LTBP1: variants seen among roughly 807,000 people sequenced by gnomAD.
LTBP1 encodes the protein latent transforming growth factor beta binding protein 1.
LTBP1 carries 129 observed loss-of-function variants against 207.6 expected under a neutral mutation model. That is an observed-to-expected ratio of 0.62 (90% CI 0.54 to 0.72). LTBP1 has a LOEUF of 0.72. LTBP1 is among the 30% of genes least tolerant of loss of function. LTBP1 has a pLI of 0.00. For synonymous variants in LTBP1, 963 were observed against 833.7 expected (o/e 1.16, Z -2.67); for missense variants, 2,281 against 2,217.2 (o/e 1.03, Z -0.58).
At chr2:33,232,943 A>G (rs1343424611) in intron 9 of LTBP1, among the ~76,000 whole-genome samples, 1 of 152,054 alleles carries the variant, frequency 6.6e-6, no homozygotes, top group African/African-American at 2.4e-5. Flanking sequence ...CTGTGTTTTG[A>G]CACCTCTTCC....
At chr2:33,207,381 C>G (rs1035835565) in intron 7 of LTBP1, among the ~76,000 whole-genome samples, 1 of 152,072 alleles carries the variant, frequency 6.6e-6, no homozygotes, top group Non-Finnish European at 1.5e-5. Flanking sequence ...GTTAAATGCT[C>G]TAGTCACAGT....
intron 32 of LTBP1, 77 bp from the exon 33 acceptor site, chr2:33,397,056 C>G: frequency 7.4e-7 from 1 of 1,356,732 alleles, no homozygotes; most frequent in Non-Finnish European, 1.0e-6. Flanking sequence ...GAAAATGAAC[C>G]ATCATCTAAA....
In LTBP1 at chr2:33,024,126, C is replaced by T. The variant is rs546147044; in HGVS notation, c.863+2920C>T. Among the ~76,000 whole-genome samples the T allele has an allele frequency of 2.0e-5, 3 of 152,262 alleles. No individual in the cohort carries two copies. In the East Asian group the frequency reaches 5.8e-4, roughly 29 times the overall value. Reference sequence around the variant, plus strand: ...ATATTTTATGTATGAGGGCACAGTTCAGGGAGCTAAGGATAGATAACACTA... The same window carrying T: ...ATATTTTATGTATGAGGGCACAGTTTAGGGAGCTAAGGATAGATAACACTA... On this transcript the variant is annotated intron_variant, in intron 3 of 33. Transcript: ENST00000404816.
rs1044670379 is a variant in LTBP1 at position 33,264,771 on chromosome 2, T to A, written c.2617+1379T>A. ...CTCTCTCACATTGCTAAAGGGAGTA[T>A]GTGTTGGGGTTCTCCAGAGAGACAG... On this transcript the variant is annotated intron_variant, in intron 15 of 33. Transcript: ENST00000404816. Among the ~76,000 whole-genome samples, 3 of 152,300 alleles carry A rather than the reference T, an allele frequency of 2.0e-5. No homozygotes were observed. The South Asian group carries it at 6.2e-4, about 32-fold the overall frequency.
At chr2:33,223,147 G>C (rs928317182) in intron 9 of LTBP1, among the ~76,000 whole-genome samples, 4 of 152,202 alleles carry the variant, frequency 2.6e-5, no homozygotes, top group Non-Finnish European at 4.4e-5. Flanking sequence ...AATGGCTCAT[G>C]TCAAAGGAAT....
At chr2:33,364,631 C>G (rs2094962790) in intron 30 of LTBP1, among the ~76,000 whole-genome samples, 1 of 152,118 alleles carries the variant, frequency 6.6e-6, no homozygotes, top group East Asian at 1.9e-4. Context: ...TTCATCATCC[C>G]TAACCTGCAG....
At chr2:33,083,850 C>G (rs537482910) in intron 3 of LTBP1, among the ~76,000 whole-genome samples, 1 of 152,206 alleles carries the variant, frequency 6.6e-6, no homozygotes, top group African/African-American at 2.4e-5. Flanking sequence ...AGGGAACATT[C>G]TTTCATTTCA....
At chr2:33,264,908 T>C (rs1812485) in intron 15 of LTBP1, among the ~76,000 whole-genome samples, 17,260 of 152,202 alleles carry the variant, frequency 0.11, 1,600 homozygotes, top group African/African-American at 0.26. Flanking sequence ...GTTATAGTTC[T>C]AGTGCAAACC....
intron 2 of LTBP1, among the ~76,000 whole-genome samples, chr2:32,957,053 T>C (rs1410094411): frequency 6.6e-6 from 1 of 152,170 alleles, no homozygotes; most frequent in Non-Finnish European, 1.5e-5. Context: ...CCAGTCTTTG[T>C]TGTTCCATTT....
At position 33,300,539 on chromosome 2, in the gene LTBP1, G is replaced by A. The variant is rs774683581; in HGVS notation, c.3324G>A (p.Gly1108=). The A allele has an allele frequency of 6.2e-7, 1 of 1,613,580 alleles. No individual in the cohort carries two copies. Among genetic ancestry groups the A allele is most frequent in the South Asian group, 1.1e-5 (1 of 91,040 alleles). The change falls in exon 21 of 34, where the codon GGG becomes GGA. Residue 1108 remains glycine (G), a synonymous_variant. Coordinates refer to ENST00000404816, the MANE Select transcript of LTBP1 (RefSeq NM_206943.4). Reference sequence around the variant, plus strand: ...CCTTCAGGTGCACCTGTGGACAGGGGTACCAGCTGTCGGCAGCTAAAGACC... The same window carrying A: ...CCTTCAGGTGCACCTGTGGACAGGGATACCAGCTGTCGGCAGCTAAAGACC... ...EGSFRCTCGQ[G]YQLSAAKDQC... is the part of the protein sequence containing the mutation.
At chr2:33,214,064 A>T (rs1488425983) in intron 7 of LTBP1, among the ~76,000 whole-genome samples, 1 of 152,240 alleles carries the variant, frequency 6.6e-6, no homozygotes, top group Non-Finnish European at 1.5e-5. Flanking sequence ...AAGCATATAA[A>T]ATCAGCAAGT....
At chr2:33,393,624 T>C (rs1201522294) in intron 32 of LTBP1, among the ~76,000 whole-genome samples, 3 of 152,162 alleles carry the variant, frequency 2.0e-5, no homozygotes, top group Non-Finnish European at 4.4e-5. Flanking sequence ...CATGAACTCA[T>C]CATTTTTTAT....
chr2:33,023,865 C>T (rs1014022743), intron 3 of LTBP1, among the ~76,000 whole-genome samples: 2 of 152,212 alleles, frequency 1.3e-5, no homozygotes, highest in Admixed American at 6.5e-5. Context: ...GATAGGCCCA[C>T]TTTGGCTACT....
intron 19 of LTBP1, 68 bp downstream of exon 19, chr2:33,280,226 G>C: frequency 1.4e-6 from 2 of 1,451,020 alleles, no homozygotes; most frequent in Non-Finnish European, 1.8e-6. Context: ...ATAGAGTGGT[G>C]TAATGCCAAT....
chr2:33,183,723 T>A (rs1217669997), intron 5 of LTBP1, among the ~76,000 whole-genome samples: 1 of 152,202 alleles, frequency 6.6e-6, no homozygotes, highest in African/African-American at 2.4e-5. Context: ...ACACTGAGCC[T>A]GTCCAGTGTA....
chr2:33,235,052 G>A (rs1439352226), intron 9 of LTBP1, among the ~76,000 whole-genome samples: 2 of 152,124 alleles, frequency 1.3e-5, no homozygotes, highest in African/African-American at 4.8e-5. Context: ...TGACCAATGG[G>A]ATCTAATTAA....
At chr2:33,153,706 C>A (rs1034396794) in intron 5 of LTBP1, among the ~76,000 whole-genome samples, 2 of 152,126 alleles carry the variant, frequency 1.3e-5, no homozygotes, top group South Asian at 2.1e-4. Context: ...CTTGCCAATT[C>A]CTGGTAAATT....
chr2:33,279,990 CT>C (rs2093525601), intron 18 of LTBP1, 48 bp from the exon 19 acceptor site: 2 of 1,602,628 alleles, frequency 1.2e-6, no homozygotes, highest in Non-Finnish European at 1.7e-6. Context: ...TAAGATTTTG[CT>C]TTGGTATTCT....
At chr2:33,158,943 G>C (rs1024586816) in intron 5 of LTBP1, among the ~76,000 whole-genome samples, 2 of 152,178 alleles carry the variant, frequency 1.3e-5, no homozygotes, top group African/African-American at 4.8e-5. Context: ...TCTCAGTCCA[G>C]CACAGTATAA....
Sources: allele counts gnomAD v4.1 joint callset (sites outside exome capture counted in the v4.1 genomes callset), GRCh38; gene constraint gnomAD v4.1.1; transcripts MANE v1.5; gene names NCBI Gene and HGNC (gene_info 2026-07-23, HGNC 2026-07-21).